CCDC180: variants seen among roughly 807,000 people sequenced by gnomAD.
CCDC180 encodes the protein coiled-coil domain-containing protein 180.
In CCDC180, 154 loss-of-function variants were observed where a neutral mutation model predicts 209.2. The ratio of observed to expected loss-of-function variants is 0.74; its 90% CI spans 0.65 to 0.84. The LOEUF (loss-of-function observed/expected upper bound fraction) is 0.84, where lower values mean the gene tolerates loss of function less well. Ranked by LOEUF, CCDC180 falls within the 40% of genes least tolerant of loss-of-function variation. CCDC180 has a pLI of 0.00. For synonymous variants in CCDC180, 778 were observed against 749.1 expected (o/e 1.04, Z -0.63); for missense variants, 1,874 against 1,997.3 (o/e 0.94, Z 1.18).
chr9:97,353,995 CTTTTT>C (rs33935021), intron 22 of CCDC180, among the ~76,000 whole-genome samples: 3 of 120,162 alleles, frequency 2.5e-5, no homozygotes, highest in Non-Finnish European at 1.7e-5. Flanking sequence ...ATCTGGAATT[CTTTTT>C]TTTTTTTTTT....
chr9:97,322,964 A>C, intron 12 of CCDC180, 43 bp downstream of exon 12: 1 of 1,552,012 alleles, frequency 6.4e-7, no homozygotes, highest in Non-Finnish European at 8.9e-7. Flanking sequence ...AATCCTGGGC[A>C]GGACCTGAAG....
In CCDC180 at chr9:97,321,792, C is replaced by G. The variant is rs146385775; in HGVS notation, c.1160-1041C>G. 2.3e-4 allele frequency among the ~76,000 whole-genome samples: 35 copies of G among 152,252 alleles called. No homozygotes were observed. In the East Asian group the frequency reaches 6.6e-3, roughly 29 times the overall value. ...CGTGGAAACATTGACAAGGAAGTATCAAGGAAGTGGTTGAGAACTGCAAGG... is the reference window on the plus strand; with the variant it reads ...CGTGGAAACATTGACAAGGAAGTATGAAGGAAGTGGTTGAGAACTGCAAGG... On this transcript the variant is annotated intron_variant, in intron 11 of 36. Transcript: ENST00000529487.
chr9:97,344,425 A>C (rs1370186856), intron 19 of CCDC180, among the ~76,000 whole-genome samples: 2 of 152,144 alleles, frequency 1.3e-5, no homozygotes, highest in African/African-American at 4.8e-5. Context: ...TCCTTCCTCT[A>C]CCAGAGGCCA....
chr9:97,333,442 A>T (rs1376715452), intron 18 of CCDC180, among the ~76,000 whole-genome samples: 1 of 148,940 alleles, frequency 6.7e-6, no homozygotes, highest in Admixed American at 6.7e-5. Flanking sequence ...AGCAGAAGTG[A>T]TACCAGCTCT....
rs1330168307 is a variant in CCDC180 at position 97,370,045 on chromosome 9, A to G, written c.4313A>G (p.Gln1438Arg). ...ACCTCTGTGAAGGAGATCCGAGGACAGTTCGAGGAACAGCAGAAGCGGCTG... is the reference window on the plus strand; with the variant it reads ...ACCTCTGTGAAGGAGATCCGAGGACGGTTCGAGGAACAGCAGAAGCGGCTG... ...FFTSVKEIRG[Q>R]FEEQQKRLEK... Residue 1438 changes from glutamine to arginine, a missense_variant, in exon 32 of 37, where the codon CAG becomes CGG. Physicochemically the swap from Gln to Arg is conservative, Grantham distance 43 (BLOSUM62 1). Transcript: ENST00000529487. 6.2e-7 allele frequency: 1 copy of G among 1,614,180 alleles called. No homozygotes were observed. Among genetic ancestry groups the G allele is most frequent in the African/African-American group, 1.3e-5 (1 of 75,058 alleles).
rs1833083680 is a variant in CCDC180, at chr9:97,314,298, T to C, written c.460-95T>C. On this transcript the variant is annotated intron_variant, in intron 5 of 36. Coordinates refer to ENST00000529487, the MANE Select transcript of CCDC180 (RefSeq NM_020893.6). ...TAGGCAATGATCATCATTTTTGAGA[T>C]AGAACCATGCCTGGCACTTCCCCCA... is the stretch of plus-strand genomic sequence containing the variant. The C allele has an allele frequency of 6.1e-6, 9 of 1,466,056 alleles. No individual in the cohort carries two copies. The East Asian group carries it at 1.1e-4, about 19-fold the overall frequency. The allele number at this position is 1,466,056 out of a possible 1,614,324, so 90.8% of individuals were successfully genotyped here. A position where few individuals can be genotyped will look rare whatever the true frequency, so the allele number is the denominator to read the frequency against.
chr9:97,370,040 AG>A lies in CCDC180; in HGVS notation c.4310del (p.Gly1437AspfsTer23), dbSNP rs1827035024. 6.2e-7 allele frequency: 1 copy of A among 1,614,080 alleles called. No individual in the cohort carries two copies. The highest frequency in any genetic ancestry group is 1.7e-5 in the Admixed American group (1 of 60,012). The stretch of plus-strand genomic sequence containing the variant: ...TTTTCACCTCTGTGAAGGAGATCCG[AG>A]GACAGTTCGAGGAACAGCAGAAGCG... ...KFFTSVKEIR[G>X]QFEEQQKRLE... On this transcript the variant is annotated frameshift_variant, in exon 32 of 37. Transcript: ENST00000529487. LOFTEE classifies it high-confidence loss of function.
At chr9:97,368,947 A>T (rs529362834) in intron 31 of CCDC180, among the ~76,000 whole-genome samples, 1 of 152,252 alleles carries the variant, frequency 6.6e-6, no homozygotes, top group Non-Finnish European at 1.5e-5. Context: ...CACAGAACAT[A>T]GAATAATATA....
chr9:97,316,467 G>A (rs561773083), intron 8 of CCDC180, among the ~76,000 whole-genome samples: 3 of 152,308 alleles, frequency 2.0e-5, no homozygotes, highest in Non-Finnish European at 4.4e-5. Context: ...GGAAATGTGT[G>A]GAGGCATTTG....
At position 97,343,339 on chromosome 9, in the gene CCDC180, G is replaced by A. The variant is rs2118777878; in HGVS notation, c.2275-1G>A. 1 of 1,592,024 alleles carries A rather than the reference G, an allele frequency of 6.3e-7. No homozygotes were observed. Among genetic ancestry groups the A allele is most frequent in the Non-Finnish European group, 8.6e-7 (1 of 1,160,508 alleles). On this transcript the variant is annotated splice_acceptor_variant, in intron 18 of 36. Transcript: ENST00000529487. LOFTEE classifies it high-confidence loss of function. The stretch of plus-strand genomic sequence containing the variant: ...CAACTTTAGTGTTATTGCCTGCTTA[G>A]GAAGAAGACAAGGAAGAGGGTCTAG...
At chr9:97,357,565 A>G in intron 24 of CCDC180, 62 bp from the exon 25 acceptor site, 1 of 1,109,018 alleles carries the variant, frequency 9.0e-7, no homozygotes, top group Non-Finnish European at 1.4e-6. Context: ...TGTTTCACAG[A>G]ATGTTTCCCA....
chr9:97,354,728 C>A lies in CCDC180; in HGVS notation c.3147+15C>A. On this transcript the variant is annotated intron_variant, in intron 23 of 36. Transcript: ENST00000529487. ...ACCTGGACCAGGTAGGGCCCCCAGC[C>A]AGGCCCCAGGCCAACCGGTTCCACA... 1 of 1,614,124 alleles carries A rather than the reference C, an allele frequency of 6.2e-7. No homozygotes were observed. The highest frequency in any genetic ancestry group is 8.5e-7 in the Non-Finnish European group (1 of 1,179,992).
intron 4 of CCDC180, 143 bp downstream of exon 4, chr9:97,312,344 T>C: frequency 1.5e-6 from 1 of 654,750 alleles, no homozygotes; most frequent in East Asian, 2.8e-5. Flanking sequence ...CCGGAGGGCA[T>C]TCTCCCTGAG....
intron 9 of CCDC180, among the ~76,000 whole-genome samples, chr9:97,317,894 C>G (rs1833230937): frequency 6.6e-6 from 1 of 152,214 alleles, no homozygotes; most frequent in Admixed American, 6.5e-5. Context: ...CAACCAGATA[C>G]TGCATGGAAA....
At chr9:97,337,443 C>A (rs1825942850) in intron 18 of CCDC180, among the ~76,000 whole-genome samples, 1 of 152,064 alleles carries the variant, frequency 6.6e-6, no homozygotes, top group Non-Finnish European at 1.5e-5. Context: ...GTCTTTGGTT[C>A]TGTTTATGTG....
rs201795180 is a variant in CCDC180 at position 97,325,112 on chromosome 9, C to T, written c.1465C>T (p.Gln489Ter). The change falls in exon 14 of 37, where the codon CAG (glutamine) becomes TAG (stop). Residue 489 changes from glutamine to a stop codon, truncating the protein, a stop_gained. Transcript: ENST00000529487. LOFTEE classifies it high-confidence loss of function. ...QEVVQLWEAHQSELLVQELEL... is the reference protein window; with the variant it reads ...QEVVQLWEAH Reference sequence around the variant, plus strand: ...GGTGGTACAACTGTGGGAGGCACACCAGAGCGAGCTGTTGGTGCAGGAGCT... The same window carrying T: ...GGTGGTACAACTGTGGGAGGCACACTAGAGCGAGCTGTTGGTGCAGGAGCT... 1 of 1,613,542 alleles carries T rather than the reference C, an allele frequency of 6.2e-7. No homozygotes were observed.
rs376687587 is a variant in CCDC180 at position 97,314,585 on chromosome 9, G to A, written c.589-33G>A. 2.2e-5 allele frequency: 36 copies of A among 1,613,320 alleles called. No homozygotes were observed. In the South Asian group the frequency reaches 2.7e-4, roughly 12 times the overall value. On this transcript the variant is annotated intron_variant, in intron 6 of 36. Transcript: ENST00000529487. ...TCCTGCTTCTTCCCTGCCTCCCACC[G>A]GCTCCTAGCCTGACCCAAACTTCTC... is the stretch of plus-strand genomic sequence containing the variant.
chr9:97,336,190 G>A (rs1232424594), intron 18 of CCDC180, among the ~76,000 whole-genome samples: 1 of 152,190 alleles, frequency 6.6e-6, no homozygotes, highest in Admixed American at 6.5e-5. Flanking sequence ...GTCAATTATG[G>A]CTTTTGTTGC....
intron 36 of CCDC180, chr9:97,376,452 G>T (rs950144862): frequency 1.0e-5 from 2 of 196,274 alleles, no homozygotes; most frequent in Non-Finnish European, 2.1e-5. Flanking sequence ...CTCCCGAGAG[G>T]CCACAGTGTG....
Sources: allele counts gnomAD v4.1 joint callset (sites outside exome capture counted in the v4.1 genomes callset), GRCh38; gene constraint gnomAD v4.1.1; transcripts MANE v1.5; gene names NCBI Gene and HGNC (gene_info 2026-07-23, HGNC 2026-07-21).